IL17RD: variants seen among roughly 807,000 people sequenced by gnomAD.
The protein encoded by IL17RD is interleukin 17 receptor D.
In IL17RD, 52 loss-of-function variants were observed where a neutral mutation model predicts 80.5. The observed-to-expected ratio is 0.65, with a 90% confidence interval of 0.52 to 0.81. The LOEUF is 0.81. Ranked by LOEUF, IL17RD falls within the 40% of genes least tolerant of loss-of-function variation. IL17RD has a pLI of 0.00. For missense variants in IL17RD, 1,024 were observed against 955.1 expected (o/e 1.07, Z -0.95); for synonymous variants, 416 against 391.8 (o/e 1.06, Z -0.73).
In IL17RD at chr3:57,127,283, T is replaced by A. The variant is rs57690102; in HGVS notation, c.127-6970A>T. Among the ~76,000 whole-genome samples the A allele has an allele frequency of 4.1e-3, 268 of 64,656 alleles. 15 individuals carry two copies. Among genetic ancestry groups the A allele is most frequent in the African/African-American group, 0.016 (223 of 13,732 alleles). 42.4% of individuals were successfully genotyped at this position (64,656 alleles called of 152,430 possible). ...ATATAAATATATATAAAAATATATA[T>A]AAATATATATAAATATATATAAAAA... On this transcript the variant is annotated intron_variant, in intron 1 of 12. Coordinates refer to ENST00000296318, the MANE Select transcript of IL17RD (RefSeq NM_017563.5).
intron 2 of IL17RD, among the ~76,000 whole-genome samples, chr3:57,117,754 T>C (rs1288693270): frequency 6.6e-6 from 1 of 152,118 alleles, no homozygotes; most frequent in African/African-American, 2.4e-5. Flanking sequence ...ATGGAATAAG[T>C]TTTTCTACAC....
chr3:57,145,368 C>T (rs1288987785), intron 1 of IL17RD, among the ~76,000 whole-genome samples: 1 of 152,158 alleles, frequency 6.6e-6, no homozygotes, highest in African/African-American at 2.4e-5. Flanking sequence ...GGTGATCACA[C>T]ATGAAATTGT....
chr3:57,134,296 C>T (rs1218733991), intron 1 of IL17RD: 7 of 683,516 alleles, frequency 1.0e-5, no homozygotes, highest in Non-Finnish European at 8.3e-6. Context: ...ATCTACAAAC[C>T]TGTGACTTTC....
intron 1 of IL17RD, among the ~76,000 whole-genome samples, chr3:57,127,626 C>G (rs1442149125): frequency 2.0e-5 from 3 of 151,588 alleles, no homozygotes; most frequent in Non-Finnish European, 2.9e-5. Context: ...AGCCTGGTCT[C>G]GAACTCCTGA....
chr3:57,156,239 G>GGAT, intron 1 of IL17RD, among the ~76,000 whole-genome samples: 1 of 152,220 alleles, frequency 6.6e-6, no homozygotes, highest in South Asian at 2.1e-4. Context: ...ATTGGAAAGA[G>GGAT]CATGGTCAGG....
intron 5 of IL17RD, among the ~76,000 whole-genome samples, chr3:57,106,970 T>G (rs1341338583): frequency 6.6e-6 from 1 of 152,210 alleles, no homozygotes. Context: ...CTAATTTTGA[T>G]TTAGGTGAGG....
intron 11 of IL17RD, among the ~76,000 whole-genome samples, chr3:57,099,683 C>G (rs1014158891): frequency 6.6e-6 from 1 of 152,140 alleles, no homozygotes; most frequent in Non-Finnish European, 1.5e-5. Flanking sequence ...GGAGTATATA[C>G]CAAGCATTTT....
upstream of IL17RD, chr3:57,170,180 C>G (rs567580707): frequency 6.6e-6 from 1 of 152,568 alleles, no homozygotes; most frequent in East Asian, 1.9e-4. Context: ...GGACCCAACC[C>G]TGCGCCCAGA....
In IL17RD at chr3:57,096,072, A is replaced by G. The variant is rs1706663564; in HGVS notation, c.*321T>C. On this transcript the variant is annotated 3_prime_UTR_variant, in exon 13 of 13. Coordinates refer to ENST00000296318, the MANE Select transcript of IL17RD (RefSeq NM_017563.5). ...TGAAGTCTGAATGATTAGTGCAGGT[A>G]TCTTCCTGTTTTTCTTTACATATTT... 5.8e-5 allele frequency: 17 copies of G among 294,626 alleles called. No homozygotes were observed. The South Asian group carries it at 8.8e-4, about 15-fold the overall frequency. The allele number at this position is 294,626 out of a possible 1,614,324, so 18.3% of individuals were successfully genotyped here. A position where few individuals can be genotyped will look rare whatever the true frequency, so the allele number is the denominator to read the frequency against.
chr3:57,124,847 G>A (rs1041639367), intron 1 of IL17RD, among the ~76,000 whole-genome samples: 1 of 152,176 alleles, frequency 6.6e-6, no homozygotes, highest in East Asian at 1.9e-4. Flanking sequence ...CCTCCACCCT[G>A]CCCCCCAACA....
chr3:57,113,633 G>A (rs1411292519), intron 3 of IL17RD, among the ~76,000 whole-genome samples: 1 of 152,102 alleles, frequency 6.6e-6, no homozygotes, highest in Non-Finnish European at 1.5e-5. Flanking sequence ...TCAAATGCTG[G>A]GCTCAACTGA....
At chr3:57,111,442 T>C (rs1172994719) in intron 3 of IL17RD, among the ~76,000 whole-genome samples, 6 of 152,054 alleles carry the variant, frequency 3.9e-5, no homozygotes, top group Non-Finnish European at 7.4e-5. Context: ...CCTGTGGGGG[T>C]GAAAGCCAGC....
At chr3:57,158,447 T>G (rs970907805) in intron 1 of IL17RD, among the ~76,000 whole-genome samples, 5 of 152,224 alleles carry the variant, frequency 3.3e-5, no homozygotes, top group African/African-American at 1.2e-4. Context: ...ATCAGAAAAT[T>G]TATGAGCCCA....
chr3:57,108,509 C>CTTTTTT (rs34594516), intron 5 of IL17RD, among the ~76,000 whole-genome samples: 577 of 49,168 alleles, frequency 0.012, 99 homozygotes, highest in African/African-American at 0.039. Flanking sequence ...TGATACATGG[C>CTTTTTT]TTTTTTTTTT....
At chr3:57,118,915 G>C (rs1707272997) in intron 2 of IL17RD, among the ~76,000 whole-genome samples, 1 of 152,152 alleles carries the variant, frequency 6.6e-6, no homozygotes, top group Non-Finnish European at 1.5e-5. Context: ...TCACAGAACT[G>C]ATAGGTGGGG....
chr3:57,127,412 A>ATATATATTTTTTT (rs1246159104), intron 1 of IL17RD, among the ~76,000 whole-genome samples: 1 of 91,216 alleles, frequency 1.1e-5, no homozygotes, highest in African/African-American at 4.9e-5. Context: ...ATATATATAT[A>ATATATATTTTTTT]TTTTTTTTTT....
intron 3 of IL17RD, among the ~76,000 whole-genome samples, chr3:57,111,927 A>C (rs1329085199): frequency 6.6e-6 from 1 of 150,858 alleles, no homozygotes; most frequent in Non-Finnish European, 1.5e-5. Context: ...ATGCCACTGC[A>C]CTCCAGCCTG....
At chr3:57,164,829 G>A in intron 1 of IL17RD, 5 of 970,780 alleles carry the variant, frequency 5.2e-6, no homozygotes, top group Non-Finnish European at 5.1e-6. Context: ...CTGGGACGAA[G>A]GAGGTCCCGG....
intron 1 of IL17RD, among the ~76,000 whole-genome samples, chr3:57,122,741 T>TG (rs370048162): frequency 2.8e-4 from 1 of 3,520 alleles, no homozygotes; most frequent in African/African-American, 2.6e-3. Flanking sequence ...CTCAACTGTC[T>TG]TTTTTTTTTT....
Sources: gnomAD v4.1 joint callset for allele counts (sites outside exome capture counted in the v4.1 genomes callset) on GRCh38, gnomAD v4.1.1 for gene constraint, MANE v1.5 for transcripts, NCBI Gene and HGNC (gene_info 2026-07-23, HGNC 2026-07-21) for gene names.